SORL1-AS1: variants seen among roughly 807,000 people sequenced by gnomAD.
The protein encoded by SORL1-AS1 is SORL1 antisense RNA 1.
the SORL1-AS1 span, among the ~76,000 whole-genome samples, chr11:121,441,977 T>C: frequency 2.6e-5 from 4 of 152,310 alleles, no homozygotes; most frequent in South Asian, 8.3e-4. Flanking sequence ...TAGTAATATA[T>C]TGCAATTGAC....
downstream of SORL1-AS1, among the ~76,000 whole-genome samples, chr11:121,444,870 A>C (rs1359876878): frequency 1.3e-5 from 2 of 152,232 alleles, no homozygotes; most frequent in African/African-American, 4.8e-5. Context: ...TAGATTTCAA[A>C]GAAAATTCAT....
the SORL1-AS1 span, among the ~76,000 whole-genome samples, chr11:121,438,793 C>T: frequency 8.0e-4 from 121 of 152,196 alleles, no homozygotes; most frequent in African/African-American, 2.6e-3. Flanking sequence ...TTTGGGAGGC[C>T]GAGGCAGGCG....
chr11:121,450,679 A>G lies in SORL1-AS1; in HGVS notation n.340-780T>C, dbSNP rs1261174668. ...TGTGGTATTTTGATACCTGTATACA[A>G]TGTATAATGAACAAAGCAGGGTGGT... On this transcript the variant is annotated intron_variant and non_coding_transcript_variant, in intron 1 of 1. Coordinates refer to ENST00000501964, the Ensembl canonical transcript of SORL1-AS1. The surrounding 1 kb of genome is among the most constrained non-coding windows in gnomAD (Gnocchi z 5.2). 6.6e-6 allele frequency among the ~76,000 whole-genome samples: 1 copy of G among 152,106 alleles called. No homozygotes were observed. Among genetic ancestry groups the G allele is most frequent in the East Asian group, 1.9e-4 (1 of 5,192 alleles).
rs752596282 is a variant in SORL1-AS1 at position 121,452,614 on chromosome 11, C to T, written n.339+61G>A. 6.7e-7 allele frequency: 1 copy of T among 1,482,752 alleles called. No homozygotes were observed. Among genetic ancestry groups the T allele is most frequent in the East Asian group, 2.7e-5 (1 of 36,626 alleles). 91.8% of individuals were successfully genotyped at this position (1,482,752 alleles called of 1,614,324 possible). ...GCCCGAGCCCATCAAGGTGTACGGA[C>T]AGGTGAGCAGTTTTGCAACCCGCCT... On this transcript the variant is annotated intron_variant and non_coding_transcript_variant, in intron 1 of 1. Transcript: ENST00000501964. This position sits in a 1 kb window ranked among gnomAD's most constrained non-coding sequence, Gnocchi z 5.3.
chr11:121,441,289 C>A, the SORL1-AS1 span, among the ~76,000 whole-genome samples: 1 of 151,212 alleles, frequency 6.6e-6, no homozygotes, highest in Non-Finnish European at 1.5e-5. Context: ...TTTGGGAGGC[C>A]GAGGCGGGCA....
At chr11:121,451,989 C>G (rs1048181122) in intron 1 of SORL1-AS1, among the ~76,000 whole-genome samples, 1 of 152,212 alleles carries the variant, frequency 6.6e-6, no homozygotes, top group Admixed American at 6.5e-5. Flanking sequence ...GCAGGGAGAA[C>G]AAGGAGGTGT....
At chr11:121,451,073 C>T (rs1456766733) in intron 1 of SORL1-AS1, among the ~76,000 whole-genome samples, 1 of 152,186 alleles carries the variant, frequency 6.6e-6, no homozygotes, top group African/African-American at 2.4e-5. Flanking sequence ...CTGACCATCC[C>T]TTCCTTCCCC....
downstream of SORL1-AS1, among the ~76,000 whole-genome samples, chr11:121,444,334 C>T (rs1405120397): frequency 6.6e-6 from 1 of 152,166 alleles, no homozygotes; most frequent in Admixed American, 6.5e-5. Context: ...GTTTTATGTG[C>T]CAGGCGTTCA....
At position 121,452,289 on chromosome 11, in the gene SORL1-AS1, C is replaced by T. The variant is rs1408301124; in HGVS notation, n.339+386G>A. On this transcript the variant is annotated intron_variant and non_coding_transcript_variant, in intron 1 of 1. Coordinates refer to ENST00000501964, the Ensembl canonical transcript of SORL1-AS1. This position sits in a 1 kb window ranked among gnomAD's most constrained non-coding sequence, Gnocchi z 5.3. ...CTCTCCTGGCCTCGCGCTGCACATT[C>T]TCTCCTGGCGGCGGCGCCACCTGCA... 2.8e-6 allele frequency: 4 copies of T among 1,442,006 alleles called. No individual in the cohort carries two copies. The highest frequency in any genetic ancestry group is 3.0e-5 in the African/African-American group (2 of 67,356). 89.3% of individuals were successfully genotyped at this position (1,442,006 alleles called of 1,614,324 possible). A position where few individuals can be genotyped will look rare whatever the true frequency, so the allele number is the denominator to read the frequency against.
chr11:121,449,320 C>T (rs1343672910), exon 2 of SORL1-AS1: 3 of 152,238 alleles, frequency 2.0e-5, no homozygotes, highest in Non-Finnish European at 4.4e-5. Flanking sequence ...TGCACCCCAA[C>T]TTTGATGTTA....
chr11:121,440,160 G>A, the SORL1-AS1 span, among the ~76,000 whole-genome samples: 237 of 152,306 alleles, frequency 1.6e-3, 1 homozygote, highest in Middle Eastern at 3.4e-3. Flanking sequence ...ATCACTTGAG[G>A]TCAGGAGTTC....
the SORL1-AS1 span, among the ~76,000 whole-genome samples, chr11:121,441,423 C>T: frequency 2.0e-5 from 3 of 148,520 alleles, no homozygotes; most frequent in African/African-American, 2.5e-5. Flanking sequence ...CCCAGCTACT[C>T]GGGAGGCTGA....
chr11:121,445,505 G>A (rs1167003292), downstream of SORL1-AS1, among the ~76,000 whole-genome samples: 5 of 151,994 alleles, frequency 3.3e-5, no homozygotes, highest in African/African-American at 1.2e-4. Flanking sequence ...CTCTCCATTG[G>A]CCTTCCCAGC....
At chr11:121,445,294 C>T (rs1860708058), downstream of SORL1-AS1, among the ~76,000 whole-genome samples, 1 of 152,236 alleles carries the variant, frequency 6.6e-6, no homozygotes, top group Admixed American at 6.5e-5. Flanking sequence ...CCTCCCACTT[C>T]TCCTGAGCTG....
chr11:121,451,708 G>T (rs1482776115), intron 1 of SORL1-AS1, among the ~76,000 whole-genome samples: 3 of 152,204 alleles, frequency 2.0e-5, no homozygotes, highest in Non-Finnish European at 4.4e-5. Context: ...ACGTTGTGGT[G>T]CCCAGAGTAG....
At chr11:121,443,951 A>T (rs1457092800), downstream of SORL1-AS1, among the ~76,000 whole-genome samples, 1 of 152,094 alleles carries the variant, frequency 6.6e-6, no homozygotes, top group Non-Finnish European at 1.5e-5. Flanking sequence ...AGTTTGGTGG[A>T]TCCTGGCCTC....
downstream of SORL1-AS1, among the ~76,000 whole-genome samples, chr11:121,444,520 G>T (rs1352479043): frequency 6.6e-6 from 1 of 152,186 alleles, no homozygotes; most frequent in Non-Finnish European, 1.5e-5. Context: ...CTGACGTCAC[G>T]CCTCTAGTAC....
rs1860816252 is a variant in SORL1-AS1 at position 121,452,473 on chromosome 11, T to G, written n.339+202A>C. 2.0e-6 allele frequency: 3 copies of G among 1,504,748 alleles called. No individual in the cohort carries two copies. Among genetic ancestry groups the G allele is most frequent in the Non-Finnish European group, 1.8e-6 (2 of 1,127,860 alleles). 93.2% of individuals were successfully genotyped at this position (1,504,748 alleles called of 1,614,324 possible). Reference sequence around the variant, plus strand: ...CGCGCCCTTGCCCCAGGACCGGGGCTTCCTCGTGGTGCAGGGCGACCCGCG... The same window carrying G: ...CGCGCCCTTGCCCCAGGACCGGGGCGTCCTCGTGGTGCAGGGCGACCCGCG... On this transcript the variant is annotated intron_variant and non_coding_transcript_variant, in intron 1 of 1. Transcript: ENST00000501964. This position sits in a 1 kb window ranked among gnomAD's most constrained non-coding sequence, Gnocchi z 5.3.
Position 121,452,240 on chromosome 11 carries a change from G to C in SORL1-AS1, n.339+435C>G. The C allele has an allele frequency of 2.3e-5, 25 of 1,072,288 alleles. No individual in the cohort carries two copies. The highest frequency in any genetic ancestry group is 3.0e-5 in the Non-Finnish European group (25 of 835,306). The allele number at this position is 1,072,288 out of a possible 1,614,324, so 66.4% of individuals were successfully genotyped here. Reference sequence around the variant, plus strand: ...CGGGCGGCCTGGAGCCCCGGGAGCGGCGCGCGCGGTCCCGGCCCAGCGGCT... The same window carrying C: ...CGGGCGGCCTGGAGCCCCGGGAGCGCCGCGCGCGGTCCCGGCCCAGCGGCT... On this transcript the variant is annotated intron_variant and non_coding_transcript_variant, in intron 1 of 1. Transcript: ENST00000501964. The surrounding 1 kb of genome is among the most constrained non-coding windows in gnomAD (Gnocchi z 5.3).
Sources: gnomAD v4.1 joint callset for allele counts (sites outside exome capture counted in the v4.1 genomes callset) on GRCh38, gnomAD v4.1.1 for gene constraint, Gnocchi (gnomAD v3.1) non-coding constraint, MANE v1.5 for transcripts, NCBI Gene and HGNC (gene_info 2026-07-23, HGNC 2026-07-21) for gene names.